KSR2: variants seen among roughly 807,000 people sequenced by gnomAD.
KSR2 encodes the protein kinase suppressor of ras 2.
In KSR2, 25 loss-of-function variants were observed where a neutral mutation model predicts 107.8. That is an observed-to-expected ratio of 0.23 (90% CI 0.17 to 0.32). KSR2 has a LOEUF of 0.32. Among genes scored for constraint, KSR2 ranks in the 10% least tolerant of loss-of-function variants. KSR2 has a pLI of 1.00. For synonymous variants in KSR2, 480 were observed against 507.0 expected, an observed-to-expected ratio of 0.95 and a Z score of 0.71; for missense variants, 887 against 1,268.9, an observed-to-expected ratio of 0.70 and a Z score of 4.57.
At position 117,908,875 on chromosome 12, in the gene KSR2, C is replaced by T. The variant is rs1390612255; in HGVS notation, c.181-48444G>A. Among the ~76,000 whole-genome samples, 3 of 152,170 alleles carry T rather than the reference C, an allele frequency of 2.0e-5. No individual in the cohort carries two copies. In the South Asian group the frequency reaches 6.2e-4, roughly 32 times the overall value. On this transcript the variant is annotated intron_variant, in intron 1 of 19. Coordinates refer to ENST00000339824, the MANE Select transcript of KSR2 (RefSeq NM_173598.6). The stretch of plus-strand genomic sequence containing the variant: ...GGTAGTTGGGCAGTGAAATGTCCTA[C>T]TCAATTGCAGTATTTAATTTATTCT...
At chr12:117,694,521 C>T (rs1358827942) in intron 4 of KSR2, among the ~76,000 whole-genome samples, 3 of 152,158 alleles carry the variant, frequency 2.0e-5, no homozygotes, top group African/African-American at 7.2e-5. Context: ...AGCATGAGAG[C>T]AGACTGATAC....
At chr12:117,603,438 T>G (rs1157398612) in intron 5 of KSR2, among the ~76,000 whole-genome samples, 2 of 152,224 alleles carry the variant, frequency 1.3e-5, no homozygotes, top group African/African-American at 4.8e-5. Flanking sequence ...TTTTGTCTCT[T>G]ACATTGCTGA....
intron 3 of KSR2, among the ~76,000 whole-genome samples, chr12:117,814,282 G>C (rs534280623): frequency 6.6e-6 from 1 of 152,202 alleles, no homozygotes; most frequent in African/African-American, 2.4e-5. Flanking sequence ...CCAAGACAAA[G>C]AAATGAGAAA....
intron 4 of KSR2, among the ~76,000 whole-genome samples, chr12:117,707,393 G>C (rs1886570153): frequency 6.6e-6 from 1 of 152,200 alleles, no homozygotes; most frequent in African/African-American, 2.4e-5. Flanking sequence ...TGGATGAATT[G>C]TGTGGTGTGC....
At chr12:117,935,514 CT>C (rs1381109146) in intron 1 of KSR2, among the ~76,000 whole-genome samples, 2 of 152,126 alleles carry the variant, frequency 1.3e-5, no homozygotes, top group East Asian at 1.9e-4. Flanking sequence ...AATCCCAGCA[CT>C]TTTGGGAGGC....
chr12:117,951,340 A>C (rs75231436), intron 1 of KSR2, among the ~76,000 whole-genome samples: 2 of 152,190 alleles, frequency 1.3e-5, no homozygotes, highest in African/African-American at 4.8e-5. Flanking sequence ...AGATATAGAT[A>C]AAATAAAAAC....
chr12:117,695,735 A>G lies in KSR2; in HGVS notation c.987-28077T>C, dbSNP rs1168005475. ...CAAACAAACAAAAAAAAAAACAAGA[A>G]AAAAAGGAAAAAAGAGAAAGAGATC... On this transcript the variant is annotated intron_variant, in intron 4 of 19. Coordinates refer to ENST00000339824, the MANE Select transcript of KSR2 (RefSeq NM_173598.6). Among the ~76,000 whole-genome samples, 5 of 151,968 alleles carry G rather than the reference A, an allele frequency of 3.3e-5. 1 individual carries two copies.
chr12:117,923,061 C>T (rs1041356025), intron 1 of KSR2, among the ~76,000 whole-genome samples: 5 of 152,074 alleles, frequency 3.3e-5, no homozygotes, highest in Admixed American at 6.5e-5. Context: ...AGAATGCCCC[C>T]GGTTAGTGAT....
chr12:117,629,551 C>T (rs534413648), intron 5 of KSR2, among the ~76,000 whole-genome samples: 2 of 152,254 alleles, frequency 1.3e-5, no homozygotes, highest in Non-Finnish European at 2.9e-5. Context: ...TGAGTTTCCT[C>T]GTGATCACAG....
chr12:117,942,330 C>G (rs1896034678), intron 1 of KSR2, among the ~76,000 whole-genome samples: 1 of 152,060 alleles, frequency 6.6e-6, no homozygotes. Flanking sequence ...GATCTTATTC[C>G]TTCTATCGAG....
chr12:117,766,471 G>T (rs1392201611), intron 3 of KSR2, among the ~76,000 whole-genome samples: 1 of 152,194 alleles, frequency 6.6e-6, no homozygotes, highest in Non-Finnish European at 1.5e-5. Context: ...CTAAATAGAG[G>T]TGGTGGTTGC....
chr12:117,578,214 T>G (rs1879404577), intron 7 of KSR2, among the ~76,000 whole-genome samples: 1 of 152,074 alleles, frequency 6.6e-6, no homozygotes, highest in Non-Finnish European at 1.5e-5. Flanking sequence ...GACTTTTCAT[T>G]GCTAGACTCA....
intron 5 of KSR2, among the ~76,000 whole-genome samples, chr12:117,651,854 T>G (rs1883919102): frequency 6.6e-6 from 1 of 152,230 alleles, no homozygotes; most frequent in South Asian, 2.1e-4. Context: ...GTAATTGCTC[T>G]TCTCTGTATG....
At chr12:117,939,078 G>A (rs1895928477) in intron 1 of KSR2, among the ~76,000 whole-genome samples, 1 of 151,862 alleles carries the variant, frequency 6.6e-6, no homozygotes, top group South Asian at 2.1e-4. Flanking sequence ...AGTACTGTCA[G>A]CAGAGCTAGG....
chr12:117,553,953 C>T (rs1456862161), intron 9 of KSR2, among the ~76,000 whole-genome samples: 1 of 152,080 alleles, frequency 6.6e-6, no homozygotes, highest in African/African-American at 2.4e-5. Flanking sequence ...CTGTGGCCTC[C>T]CCAGAAGCAG....
chr12:117,953,917 C>CAG (rs1896435965), intron 1 of KSR2, among the ~76,000 whole-genome samples: 1 of 151,954 alleles, frequency 6.6e-6, no homozygotes. Context: ...TGGCAAGACC[C>CAG]AGCCTCTACA....
chr12:117,856,851 TA>T (rs1246319602), intron 2 of KSR2, among the ~76,000 whole-genome samples: 1 of 152,114 alleles, frequency 6.6e-6, no homozygotes, highest in Non-Finnish European at 1.5e-5. Flanking sequence ...GCTCCCACAT[TA>T]AACTGATAGC....
Position 117,634,253 on chromosome 12 carries a change from G to A in KSR2, c.1171+33221C>T, listed in dbSNP as rs553926379. Among the ~76,000 whole-genome samples, 4 of 152,238 alleles carry A rather than the reference G, an allele frequency of 2.6e-5. No individual in the cohort carries two copies. In the South Asian group the frequency reaches 6.2e-4, roughly 24 times the overall value. ...GGTAGCTCTGATCAGGTAGGGAGAG[G>A]GAGGGAGCCTCGTTTAGAGGAAAAC... On this transcript the variant is annotated intron_variant, in intron 5 of 19. Transcript: ENST00000339824.
At chr12:117,796,637 C>T (rs1317115804) in intron 3 of KSR2, among the ~76,000 whole-genome samples, 1 of 152,172 alleles carries the variant, frequency 6.6e-6, no homozygotes, top group East Asian at 1.9e-4. Flanking sequence ...TTCCCCAAGG[C>T]TCAGTTTCCT....
Sources: gnomAD v4.1 joint callset for allele counts (sites outside exome capture counted in the v4.1 genomes callset) on GRCh38, gnomAD v4.1.1 for gene constraint, MANE v1.5 for transcripts, NCBI Gene and HGNC (gene_info 2026-07-23, HGNC 2026-07-21) for gene names.